The following ARHGAP24 variants were observed in gnomAD, a reference collection of about 807,000 sequenced individuals.
The protein encoded by ARHGAP24 is rho GTPase-activating protein 24.
A neutral mutation model predicts 76.4 loss-of-function variants in ARHGAP24; 50 were observed. The ratio of observed to expected loss-of-function variants is 0.65; its 90% CI spans 0.52 to 0.83. The LOEUF (loss-of-function observed/expected upper bound fraction) is 0.83. Among genes scored for constraint, ARHGAP24 ranks in the 40% least tolerant of loss-of-function variants. The pLI is 0.00. For missense variants in ARHGAP24, 930 were observed against 914.2 expected (o/e 1.02, Z -0.22); for synonymous variants, 345 against 323.3 (o/e 1.07, Z -0.72).
At chr4:85,869,965 C>G (rs1732431065) in intron 3 of ARHGAP24, among the ~76,000 whole-genome samples, 1 of 152,136 alleles carries the variant, frequency 6.6e-6, no homozygotes. Context: ...GACTTTGTGC[C>G]TTTGACTAGT....
intron 3 of ARHGAP24, among the ~76,000 whole-genome samples, chr4:85,860,676 G>T (rs1731840559): frequency 6.6e-6 from 1 of 151,890 alleles, no homozygotes; most frequent in Non-Finnish European, 1.5e-5. Context: ...TGTACCCCAG[G>T]TGCAATACAA....
chr4:85,769,953 T>C (rs987353105), intron 3 of ARHGAP24, among the ~76,000 whole-genome samples: 7 of 152,302 alleles, frequency 4.6e-5, no homozygotes, highest in South Asian at 4.1e-4. Context: ...AAATTTTACA[T>C]GATATACTTA....
At chr4:85,941,965 T>C (rs1300600563) in intron 4 of ARHGAP24, 101 bp from the exon 5 acceptor site, 5 of 1,208,836 alleles carry the variant, frequency 4.1e-6, no homozygotes, top group African/African-American at 1.5e-5. Flanking sequence ...CTTGCTAGCA[T>C]TCCAATCTTT....
intron 8 of ARHGAP24, among the ~76,000 whole-genome samples, chr4:85,982,254 TTGCATAG>T (rs2148860868): frequency 6.6e-6 from 1 of 152,108 alleles, no homozygotes; most frequent in East Asian, 1.9e-4. Context: ...CTTTTAAAAA[TTGCATAG>T]TGTCCCCCTG....
At chr4:85,839,483 G>C (rs562709185) in intron 3 of ARHGAP24, among the ~76,000 whole-genome samples, 1 of 151,884 alleles carries the variant, frequency 6.6e-6, no homozygotes, top group African/African-American at 2.4e-5. Context: ...ATAGAGTCTC[G>C]CTCTGTTGCC....
intron 2 of ARHGAP24, among the ~76,000 whole-genome samples, chr4:85,590,671 T>G (rs1728057577): frequency 6.6e-6 from 1 of 152,058 alleles, no homozygotes; most frequent in Admixed American, 6.5e-5. Flanking sequence ...TTTCCTTCTT[T>G]TTCTAATTAA....
chr4:85,707,004 T>C (rs559099625), intron 2 of ARHGAP24, among the ~76,000 whole-genome samples: 11 of 152,244 alleles, frequency 7.2e-5, no homozygotes, highest in African/African-American at 2.6e-4. Context: ...AGCCTTGAAC[T>C]CCTGGGCTAA....
At position 86,001,319 on chromosome 4, in the gene ARHGAP24, T is replaced by G. The variant is rs1741005914; in HGVS notation, c.*597T>G. 2.5e-6 allele frequency: 1 copy of G among 398,954 alleles called. No individual in the cohort carries two copies. The highest frequency in any genetic ancestry group is 4.4e-6 in the Non-Finnish European group (1 of 226,050). 24.7% of individuals were successfully genotyped at this position (398,954 alleles called of 1,614,324 possible). A position where few individuals can be genotyped will look rare whatever the true frequency, so the allele number is the denominator to read the frequency against. On this transcript the variant is annotated 3_prime_UTR_variant, in exon 10 of 10. Coordinates refer to ENST00000395184, the MANE Select transcript of ARHGAP24 (RefSeq NM_001025616.3). ...AAATACAGTCGAATCACCAGGAACC[T>G]TTGAGCTGCTTTTAAAATTCTTCCC...
intron 3 of ARHGAP24, among the ~76,000 whole-genome samples, chr4:85,821,459 A>C (rs1729467892): frequency 6.6e-6 from 1 of 152,326 alleles, no homozygotes; most frequent in African/African-American, 2.4e-5. Flanking sequence ...CTGCAGCCTC[A>C]AACTCCTGGG....
At chr4:85,863,391 T>A (rs1732012808) in intron 3 of ARHGAP24, among the ~76,000 whole-genome samples, 1 of 152,112 alleles carries the variant, frequency 6.6e-6, no homozygotes, top group African/African-American at 2.4e-5. Context: ...AATTATATGT[T>A]CATTTATTTA....
intron 3 of ARHGAP24, among the ~76,000 whole-genome samples, chr4:85,859,307 T>G (rs1233788736): frequency 1.3e-5 from 2 of 151,944 alleles, no homozygotes; most frequent in Non-Finnish European, 2.9e-5. Context: ...CAGAATCAGT[T>G]TCTCAGTCAT....
chr4:85,988,437 A>G (rs2148865822), intron 8 of ARHGAP24, among the ~76,000 whole-genome samples: 1 of 151,922 alleles, frequency 6.6e-6, no homozygotes, highest in South Asian at 2.1e-4. Context: ...ACATGAAAGC[A>G]GACTACTTTA....
chr4:85,485,371 AAAAAAATATATATATATATATATAT>A lies in ARHGAP24; in HGVS notation c.-21+9814_-21+9838del, dbSNP rs1206449442. ...TCAAAAAAAAAAAAAAAAAAAAAAA[AAAAAAATATATATATATATATATAT>A]ATATATATATATATATATCTCCTTG... On this transcript the variant is annotated intron_variant, in intron 1 of 9. Coordinates refer to ENST00000395184, the MANE Select transcript of ARHGAP24 (RefSeq NM_001025616.3). 2.9e-4 allele frequency among the ~76,000 whole-genome samples: 15 copies of A among 51,532 alleles called. No homozygotes were observed. The South Asian group carries it at 0.013, about 45-fold the overall frequency. The allele number at this position is 51,532 out of a possible 152,430, so 33.8% of individuals were successfully genotyped here.
At chr4:85,576,343 T>C (rs1049303820) in intron 2 of ARHGAP24, among the ~76,000 whole-genome samples, 1 of 150,288 alleles carries the variant, frequency 6.7e-6, no homozygotes, top group African/African-American at 2.5e-5. Context: ...GGCAGGAAAA[T>C]GGCGCGAACC....
At chr4:85,529,541 C>A (rs1725168829) in intron 1 of ARHGAP24, among the ~76,000 whole-genome samples, 1 of 152,018 alleles carries the variant, frequency 6.6e-6, no homozygotes, top group Admixed American at 6.6e-5. Context: ...TCAATCTCAG[C>A]ATTGCTGATA....
At chr4:85,477,330 C>A (rs1722639179) in intron 1 of ARHGAP24, among the ~76,000 whole-genome samples, 1 of 152,124 alleles carries the variant, frequency 6.6e-6, no homozygotes, top group South Asian at 2.1e-4. Flanking sequence ...CTGTAATATT[C>A]TTCTGTGCCT....
chr4:85,913,945 C>G (rs981527106), intron 3 of ARHGAP24, among the ~76,000 whole-genome samples: 1 of 152,180 alleles, frequency 6.6e-6, no homozygotes, highest in African/African-American at 2.4e-5. Flanking sequence ...TTTAACTCAT[C>G]AAACTCTAGG....
intron 8 of ARHGAP24, among the ~76,000 whole-genome samples, chr4:85,982,326 G>A (rs1739714416): frequency 6.6e-6 from 1 of 151,418 alleles, no homozygotes; most frequent in African/African-American, 2.4e-5. Flanking sequence ...ATTTCTCTAG[G>A]TACACCAATA....
At chr4:85,764,833 T>C (rs904512861) in intron 3 of ARHGAP24, among the ~76,000 whole-genome samples, 1 of 151,934 alleles carries the variant, frequency 6.6e-6, no homozygotes, top group Non-Finnish European at 1.5e-5. Context: ...GATCTCTCAT[T>C]ATACAACTAC....
Sources: allele counts gnomAD v4.1 joint callset (sites outside exome capture counted in the v4.1 genomes callset), GRCh38; gene constraint gnomAD v4.1.1; transcripts MANE v1.5; gene names NCBI Gene and HGNC (gene_info 2026-07-23, HGNC 2026-07-21).